LRIG3: variants seen among roughly 807,000 people sequenced by gnomAD.
LRIG3 encodes leucine rich repeats and immunoglobulin like domains 3, also known as leucine-rich repeats and immunoglobulin-like domains protein 3.
In LRIG3, 76 loss-of-function variants were observed where a neutral mutation model predicts 114.5. That is an observed-to-expected ratio of 0.66 (90% CI 0.55 to 0.80). The LOEUF (loss-of-function observed/expected upper bound fraction) is 0.80, where lower values mean the gene tolerates loss of function less well. Among genes scored for constraint, LRIG3 ranks in the 30% least tolerant of loss-of-function variants. LRIG3 has a pLI of 0.00. For synonymous variants in LRIG3, 512 were observed against 519.8 expected, an observed-to-expected ratio of 0.98 and a Z score of 0.20; for missense variants, 1,239 against 1,382.8, an observed-to-expected ratio of 0.90 and a Z score of 1.65.
chr12:58,893,429 G>C (rs984544101), intron 3 of LRIG3, among the ~76,000 whole-genome samples: 1 of 152,156 alleles, frequency 6.6e-6, no homozygotes, highest in African/African-American at 2.4e-5. Context: ...GCAGTCCCAT[G>C]TACAAGTCAC....
At chr12:58,894,437 C>T (rs955642872) in intron 3 of LRIG3, among the ~76,000 whole-genome samples, 22 of 151,962 alleles carry the variant, frequency 1.4e-4, no homozygotes, top group African/African-American at 4.6e-4. Context: ...AACAAACAAA[C>T]AAAAAACTTG....
At chr12:58,907,757 A>G (rs1238575501) in intron 3 of LRIG3, among the ~76,000 whole-genome samples, 1 of 152,212 alleles carries the variant, frequency 6.6e-6, no homozygotes, top group East Asian at 1.9e-4. Context: ...TGCATCTGTG[A>G]GTCCAATTCC....
At position 58,885,853 on chromosome 12, in the gene LRIG3, C is replaced by T; in HGVS notation, c.1222G>A (p.Gly408Ser). Residue 408 changes from glycine (G) to serine (S), a missense_variant, in exon 10 of 19, where the codon GGT (glycine) becomes AGT (serine). Coordinates refer to ENST00000320743, the MANE Select transcript of LRIG3 (RefSeq NM_153377.5). ...CACAGATGCTCCAATGCATCCAAAC[C>T]AGTGAAGGCTTTTTTAGTAATAGAA... ...IRSITKKAFTGLDALEHLDLS... is the reference protein window; with the variant it reads ...IRSITKKAFTSLDALEHLDLS... The T allele has an allele frequency of 6.3e-7, 1 of 1,590,304 alleles. No homozygotes were observed. Among genetic ancestry groups the T allele is most frequent in the Non-Finnish European group, 8.6e-7 (1 of 1,165,148 alleles).
rs183486443 is a variant in LRIG3, at chr12:58,914,575, T to C, written c.237-239A>G. ...TTAAGCCCACAAATGTTTTAAGAGA[T>C]GTTTTTTTGGCACGTGGTGAACAGA... On this transcript the variant is annotated intron_variant, in intron 1 of 18. Coordinates refer to ENST00000320743, the MANE Select transcript of LRIG3 (RefSeq NM_153377.5). 1,138 of 465,988 alleles carry C rather than the reference T, an allele frequency of 2.4e-3. 13 individuals carry two copies. Among genetic ancestry groups the C allele is most frequent in the African/African-American group, 0.022 (987 of 44,874 alleles). 28.9% of individuals were successfully genotyped at this position (465,988 alleles called of 1,614,324 possible).
chr12:58,913,091 T>A (rs2120984522), intron 3 of LRIG3, among the ~76,000 whole-genome samples: 1 of 152,284 alleles, frequency 6.6e-6, no homozygotes, highest in Non-Finnish European at 1.5e-5. Flanking sequence ...AATTGGGTAG[T>A]GATCACTCTA....
At chr12:58,892,445 T>C (rs1257376285) in intron 3 of LRIG3, among the ~76,000 whole-genome samples, 1 of 152,232 alleles carries the variant, frequency 6.6e-6, no homozygotes, top group Admixed American at 6.5e-5. Flanking sequence ...CAAAACTGGA[T>C]TTCTACAGTG....
At position 58,887,744 on chromosome 12, in the gene LRIG3, G is replaced by C. The variant is rs764241239; in HGVS notation, c.1091+45C>G. The C allele has an allele frequency of 5.0e-6, 8 of 1,595,714 alleles. No individual in the cohort carries two copies. In the Admixed American group the frequency reaches 1.4e-4, roughly 27 times the overall value. ...GCTAGGAGAAAAGTGGGCATATTTA[G>C]GAACCAATTACGTTCGAGTACTGAC... On this transcript the variant is annotated intron_variant, in intron 8 of 18. Coordinates refer to ENST00000320743, the MANE Select transcript of LRIG3 (RefSeq NM_153377.5).
chr12:58,902,748 T>C (rs978997859), intron 3 of LRIG3, among the ~76,000 whole-genome samples: 3 of 109,388 alleles, frequency 2.7e-5, no homozygotes, highest in South Asian at 3.4e-4. Flanking sequence ...GTCCCCAGAG[T>C]GTGATGTTCC....
In LRIG3 at chr12:58,877,830, T is replaced by C; in HGVS notation, c.2106A>G (p.Pro702=). The stretch of plus-strand genomic sequence containing the variant: ...CCTTGGTTACAGTTCGGTCCAACAG[T>C]GGCCGCAAAAATGATGGTGTTTCTG... ...TVLETPSFLR[P]LLDRTVTKGE... The change falls in exon 15 of 19, where the codon CCA becomes CCG. Residue 702 remains proline (P), a synonymous_variant. Transcript: ENST00000320743. The C allele has an allele frequency of 6.3e-7, 1 of 1,599,840 alleles. No homozygotes were observed. The highest frequency in any genetic ancestry group is 1.7e-4 in the Middle Eastern group (1 of 6,016).
chr12:58,908,852 T>C (rs1380127209), intron 3 of LRIG3, among the ~76,000 whole-genome samples: 2 of 152,214 alleles, frequency 1.3e-5, no homozygotes, highest in African/African-American at 4.8e-5. Context: ...ACTTATGCCA[T>C]ATACCTGCAT....
chr12:58,905,729 A>AAG (rs1006146687), intron 3 of LRIG3, among the ~76,000 whole-genome samples: 3 of 152,142 alleles, frequency 2.0e-5, no homozygotes, highest in African/African-American at 7.2e-5. Context: ...TTATAAGAGG[A>AAG]AGAGACACCT....
At chr12:58,890,876 T>C (rs1242406314) in intron 3 of LRIG3, 80 bp from the exon 4 acceptor site, 1 of 1,415,260 alleles carries the variant, frequency 7.1e-7, no homozygotes, top group South Asian at 1.4e-5. Context: ...TATTCCTGAC[T>C]GGTTCTTCAG....
chr12:58,881,986 T>C (rs1453848648), intron 12 of LRIG3, among the ~76,000 whole-genome samples: 1 of 152,204 alleles, frequency 6.6e-6, no homozygotes, highest in Admixed American at 6.5e-5. Flanking sequence ...CCCTTACAGA[T>C]GAATGCCAAA....
Position 58,913,971 on chromosome 12 carries a change from T to A in LRIG3, c.383+11A>T. The A allele has an allele frequency of 1.2e-6, 2 of 1,607,876 alleles. No homozygotes were observed. The highest frequency in any genetic ancestry group is 1.7e-6 in the Non-Finnish European group (2 of 1,176,948). ...AAACATACATGAGGAATTCTGCTGATATTCACTTACAAGGAGAGAAGTGTA... is the reference window on the plus strand; with the variant it reads ...AAACATACATGAGGAATTCTGCTGAAATTCACTTACAAGGAGAGAAGTGTA... On this transcript the variant is annotated intron_variant, in intron 3 of 18. Transcript: ENST00000320743.
In LRIG3 at chr12:58,900,071, T is replaced by G. The variant is rs573488238; in HGVS notation, c.384-9275A>C. On this transcript the variant is annotated intron_variant, in intron 3 of 18. Coordinates refer to ENST00000320743, the MANE Select transcript of LRIG3 (RefSeq NM_153377.5). ...CTGGGCCTCTGTCCTGAATCCCAGG[T>G]ACTTTCTATTTAAGGTCTCCCAAAA... is the stretch of plus-strand genomic sequence containing the variant. 5.9e-5 allele frequency among the ~76,000 whole-genome samples: 9 copies of G among 152,300 alleles called. No homozygotes were observed. The South Asian group carries it at 1.2e-3, about 21-fold the overall frequency.
chr12:58,909,644 T>C (rs1336809930), intron 3 of LRIG3, among the ~76,000 whole-genome samples: 2 of 152,202 alleles, frequency 1.3e-5, no homozygotes, highest in African/African-American at 4.8e-5. Flanking sequence ...TTACCTGTAT[T>C]CCCTGTATCT....
chr12:58,895,024 G>A (rs924747683), intron 3 of LRIG3, among the ~76,000 whole-genome samples: 2 of 152,180 alleles, frequency 1.3e-5, no homozygotes, highest in Non-Finnish European at 2.9e-5. Context: ...GGAGAACCAC[G>A]TATTTTGGCC....
intron 13 of LRIG3, chr12:58,880,302 AAAAAAAAAAAAG>A (rs1871079538): frequency 6.4e-6 from 3 of 469,354 alleles, no homozygotes; most frequent in Non-Finnish European, 1.2e-5. Flanking sequence ...TCCGTCTCAA[AAAAAAAAAAAAG>A]AAAAAGAAAA....
At chr12:58,919,390 C>G in intron 1 of LRIG3, 1 of 1,551,482 alleles carries the variant, frequency 6.4e-7, no homozygotes, top group Non-Finnish European at 8.7e-7. Flanking sequence ...TAGCTACCGA[C>G]CAGTCTTTAC....
Sources: allele counts gnomAD v4.1 joint callset (sites outside exome capture counted in the v4.1 genomes callset), GRCh38; gene constraint gnomAD v4.1.1; transcripts MANE v1.5; gene names NCBI Gene and HGNC (gene_info 2026-07-23, HGNC 2026-07-21).